The following MACROD2 variants were observed in gnomAD, a reference collection of about 807,000 sequenced individuals.
MACROD2 encodes the protein mono-ADP ribosylhydrolase 2.
In MACROD2, 36 loss-of-function variants were observed where a neutral mutation model predicts 70.4. The observed-to-expected ratio is 0.51, with a 90% CI of 0.39 to 0.68. The LOEUF (loss-of-function observed/expected upper bound fraction) is 0.68. Ranked by LOEUF, MACROD2 falls within the 30% of genes least tolerant of loss-of-function variation. The pLI is 0.00. For missense variants in MACROD2, 496 were observed against 538.4 expected (o/e 0.92, Z 0.78); for synonymous variants, 172 against 178.8 (o/e 0.96, Z 0.30).
chr20:15,866,791 T>G (rs947392431), intron 9 of MACROD2, among the ~76,000 whole-genome samples: 1 of 152,208 alleles, frequency 6.6e-6, no homozygotes, highest in African/African-American at 2.4e-5. Context: ...ATTAGTACTT[T>G]TATCATTCAT....
At chr20:14,567,832 A>G (rs1979910039) in intron 4 of MACROD2, among the ~76,000 whole-genome samples, 1 of 152,120 alleles carries the variant, frequency 6.6e-6, no homozygotes, top group African/African-American at 2.4e-5. Context: ...AGTTAGAATT[A>G]TAATCAAAAC....
In MACROD2 at chr20:15,715,540, A is replaced by G. The variant is rs76443369; in HGVS notation, c.646-147205A>G. On this transcript the variant is annotated intron_variant, in intron 8 of 17. Coordinates refer to ENST00000684519, the MANE Select transcript of MACROD2 (RefSeq NM_001351661.2). ...AAAAGATAATCAAGGCTCCATCACT[A>G]CCAAATTTTTAGACATTTAGAAAGG... is the stretch of plus-strand genomic sequence containing the variant. Among the ~76,000 whole-genome samples the G allele has an allele frequency of 1.6e-3, 243 of 152,310 alleles. 5 individuals carry two copies. In the East Asian group the frequency reaches 0.035, roughly 22 times the overall value.
chr20:15,088,402 T>TAA (rs2075765823), intron 5 of MACROD2, among the ~76,000 whole-genome samples: 5 of 1,602 alleles, frequency 3.1e-3, no homozygotes, highest in Admixed American at 0.019. Context: ...ATATTTTATA[T>TAA]ATATATATAT....
intron 8 of MACROD2, among the ~76,000 whole-genome samples, chr20:15,749,389 C>T (rs764425170): frequency 1.1e-4 from 17 of 151,926 alleles, no homozygotes; most frequent in Non-Finnish European, 1.9e-4. Context: ...TTATATTTCT[C>T]TATTATATAT....
intron 3 of MACROD2, among the ~76,000 whole-genome samples, chr20:14,206,165 C>A (rs1160353050): frequency 6.6e-6 from 1 of 152,186 alleles, no homozygotes; most frequent in African/African-American, 2.4e-5. Context: ...TGCAAAGTAT[C>A]TTACAATACA....
intron 3 of MACROD2, among the ~76,000 whole-genome samples, chr20:14,116,735 T>C (rs2054518464): frequency 6.6e-6 from 1 of 152,124 alleles, no homozygotes; most frequent in South Asian, 2.1e-4. Context: ...CCAGATTTGA[T>C]GTGTTATACT....
intron 5 of MACROD2, among the ~76,000 whole-genome samples, chr20:15,122,408 A>G (rs1297869512): frequency 6.6e-6 from 1 of 152,228 alleles, no homozygotes; most frequent in Non-Finnish European, 1.5e-5. Context: ...ATTCAGGAAC[A>G]TGCCCACTGT....
chr20:14,981,951 C>T (rs1217160890), intron 5 of MACROD2, among the ~76,000 whole-genome samples: 2 of 152,036 alleles, frequency 1.3e-5, no homozygotes, highest in Non-Finnish European at 2.9e-5. Flanking sequence ...CATAAGAAGA[C>T]AGGGAAATGT....
chr20:14,887,349 G>T (rs1390860199), intron 5 of MACROD2, among the ~76,000 whole-genome samples: 1 of 151,658 alleles, frequency 6.6e-6, no homozygotes, highest in Non-Finnish European at 1.5e-5. Context: ...GAATATATTA[G>T]ATAGAAAAAT....
chr20:14,135,792 T>C (rs1316392155), intron 3 of MACROD2, among the ~76,000 whole-genome samples: 2 of 152,184 alleles, frequency 1.3e-5, no homozygotes, highest in Admixed American at 1.3e-4. Flanking sequence ...AACTTAAGAT[T>C]CCCTACCATT....
At chr20:16,029,607 C>G (rs1315012998) in intron 15 of MACROD2, among the ~76,000 whole-genome samples, 2 of 152,110 alleles carry the variant, frequency 1.3e-5, no homozygotes, top group East Asian at 3.9e-4. Flanking sequence ...CTGGTGTTGC[C>G]CTACCCCATC....
chr20:15,934,424 G>A (rs1203323685), intron 11 of MACROD2, among the ~76,000 whole-genome samples: 2 of 152,170 alleles, frequency 1.3e-5, no homozygotes, highest in East Asian at 1.9e-4. Context: ...GTCGGCCGGC[G>A]TCCTTTGCTG....
chr20:15,376,900 ATTTAT>A (rs2045569986), intron 6 of MACROD2, among the ~76,000 whole-genome samples: 2 of 151,974 alleles, frequency 1.3e-5, no homozygotes, highest in African/African-American at 4.8e-5. Flanking sequence ...TTTTTTATTT[ATTTAT>A]TTTAAGACAG....
At chr20:14,842,539 T>A (rs1261974503) in intron 5 of MACROD2, among the ~76,000 whole-genome samples, 1 of 152,138 alleles carries the variant, frequency 6.6e-6, no homozygotes, top group Non-Finnish European at 1.5e-5. Context: ...ATAAAGTGTA[T>A]GCTATTAGGC....
intron 7 of MACROD2, among the ~76,000 whole-genome samples, chr20:15,441,202 A>G (rs1236836400): frequency 6.6e-6 from 1 of 152,150 alleles, no homozygotes; most frequent in Non-Finnish European, 1.5e-5. Context: ...TCACAGAAAC[A>G]TTGATACATA....
intron 8 of MACROD2, among the ~76,000 whole-genome samples, chr20:15,791,635 C>A (rs1055260061): frequency 1.2e-4 from 18 of 151,784 alleles, no homozygotes; most frequent in African/African-American, 3.9e-4. Flanking sequence ...TGTAAACAAC[C>A]CAAAGCAGTT....
intron 5 of MACROD2, among the ~76,000 whole-genome samples, chr20:15,032,059 G>T (rs6034088): frequency 0.25 from 37,793 of 152,164 alleles, 6,211 homozygotes; most frequent in African/African-American, 0.47. Flanking sequence ...CTGCCTCAAG[G>T]GTGCACACAC....
At chr20:14,962,938 G>A (rs985044117) in intron 5 of MACROD2, among the ~76,000 whole-genome samples, 1 of 152,122 alleles carries the variant, frequency 6.6e-6, no homozygotes, top group African/African-American at 2.4e-5. Context: ...ATTTGAGTTG[G>A]TTGGAGAATA....
chr20:15,624,326 A>C (rs2049171524), intron 8 of MACROD2, among the ~76,000 whole-genome samples: 2 of 152,176 alleles, frequency 1.3e-5, no homozygotes, highest in Non-Finnish European at 2.9e-5. Flanking sequence ...CTCCCAGTCC[A>C]CTGACTCAAA....
Sources: gnomAD v4.1 joint callset for allele counts (sites outside exome capture counted in the v4.1 genomes callset) on GRCh38, gnomAD v4.1.1 for gene constraint, MANE v1.5 for transcripts, NCBI Gene and HGNC (gene_info 2026-07-23, HGNC 2026-07-21) for gene names.